SH3RF3: variants seen among roughly 807,000 people sequenced by gnomAD.
The protein encoded by SH3RF3 is E3 ubiquitin-protein ligase SH3RF3.
Under a neutral mutation model 66.3 loss-of-function variants are expected in SH3RF3, and 29 were observed. That is an observed-to-expected ratio of 0.44 (90% CI 0.33 to 0.60). The LOEUF is 0.60. Ranked by LOEUF, SH3RF3 falls within the 20% of genes least tolerant of loss-of-function variation. The probability of loss-of-function intolerance (pLI) is 0.04; values close to 1 mark genes in which losing one functional copy is unlikely to be tolerated. For missense variants in SH3RF3, 1,194 were observed against 1,190.9 expected, an observed-to-expected ratio of 1.00 and a Z score of -0.04; for synonymous variants, 583 against 532.0, an observed-to-expected ratio of 1.10 and a Z score of -1.32.
In SH3RF3 at chr2:109,364,868, ATTAC is replaced by A. The variant is rs201665332; in HGVS notation, c.850-6715_850-6712del. ...CACTTTGGGAGGCCAGTGCAGGCAG[ATTAC>A]TTGAGGTCAGGAGTTCGAGACCAGC... On this transcript the variant is annotated intron_variant, in intron 2 of 9. Transcript: ENST00000309415. Among the ~76,000 whole-genome samples, 1,126 of 152,270 alleles carry A rather than the reference ATTAC, an allele frequency of 7.4e-3. 15 individuals carry two copies. The highest frequency in any genetic ancestry group is 0.026 in the African/African-American group (1,078 of 41,544).
chr2:109,304,418 C>A (rs1681544727), intron 1 of SH3RF3, among the ~76,000 whole-genome samples: 1 of 152,032 alleles, frequency 6.6e-6, no homozygotes, highest in Admixed American at 6.6e-5. Context: ...AATGACAAGA[C>A]TTCCTTCTTT....
intron 7 of SH3RF3, among the ~76,000 whole-genome samples, chr2:109,441,543 G>A (rs919987249): frequency 2.0e-5 from 3 of 152,216 alleles, no homozygotes; most frequent in South Asian, 4.1e-4. Context: ...AATGGAATCC[G>A]TGAGCAATGG....
chr2:109,340,317 A>G lies in SH3RF3; in HGVS notation c.574-7357A>G, dbSNP rs571476208. On this transcript the variant is annotated intron_variant, in intron 1 of 9. Coordinates refer to ENST00000309415, the MANE Select transcript of SH3RF3 (RefSeq NM_001099289.3). The stretch of plus-strand genomic sequence containing the variant: ...TAAGGATCCTGTGGGTCTCGCAGGT[A>G]GAGGTAGGAGCAGCAGGCACACAGG... Among the ~76,000 whole-genome samples, 18 of 152,294 alleles carry G rather than the reference A, an allele frequency of 1.2e-4. No homozygotes were observed. In the East Asian group the frequency reaches 3.3e-3, roughly 28 times the overall value.
intron 1 of SH3RF3, among the ~76,000 whole-genome samples, chr2:109,178,626 C>T (rs1309396360): frequency 6.6e-6 from 1 of 152,204 alleles, no homozygotes; most frequent in African/African-American, 2.4e-5. Flanking sequence ...GACAGCAAGG[C>T]AGGGCAGTTG....
chr2:109,376,547 A>G (rs1683389509), intron 3 of SH3RF3, among the ~76,000 whole-genome samples: 1 of 152,264 alleles, frequency 6.6e-6, no homozygotes, highest in African/African-American at 2.4e-5. Flanking sequence ...GTTCAAAAAA[A>G]TGATGAAAGA....
At chr2:109,478,844 C>A (rs555798726) in intron 8 of SH3RF3, among the ~76,000 whole-genome samples, 1 of 152,178 alleles carries the variant, frequency 6.6e-6, no homozygotes, top group African/African-American at 2.4e-5. Context: ...CATAACAAAT[C>A]ATCTCAAAAC....
intron 1 of SH3RF3, among the ~76,000 whole-genome samples, chr2:109,305,995 CAT>C (rs746067703): frequency 6.6e-6 from 1 of 152,214 alleles, no homozygotes; most frequent in Non-Finnish European, 1.5e-5. Flanking sequence ...TAGATCTGGG[CAT>C]TACAGAGCTA....
chr2:109,459,232 A>G (rs1392068151), intron 8 of SH3RF3, among the ~76,000 whole-genome samples: 1 of 152,204 alleles, frequency 6.6e-6, no homozygotes, highest in African/African-American at 2.4e-5. Context: ...ACTGCTTAAT[A>G]TACACATTCA....
intron 1 of SH3RF3, among the ~76,000 whole-genome samples, chr2:109,176,037 C>T (rs1258927427): frequency 6.6e-6 from 1 of 151,994 alleles, no homozygotes; most frequent in Admixed American, 6.5e-5. Flanking sequence ...CCTTGAGACT[C>T]TGTCTTCACT....
intron 8 of SH3RF3, among the ~76,000 whole-genome samples, chr2:109,485,854 G>A (rs754268429): frequency 2.6e-5 from 4 of 152,200 alleles, no homozygotes; most frequent in Non-Finnish European, 5.9e-5. Context: ...AGCCAGGGCT[G>A]CAGCACAGCC....
chr2:109,360,886 C>A (rs1351884100), intron 2 of SH3RF3, among the ~76,000 whole-genome samples: 1 of 152,132 alleles, frequency 6.6e-6, no homozygotes, highest in African/African-American at 2.4e-5. Flanking sequence ...TACATTCTTG[C>A]CTTGTCCTTG....
chr2:109,398,569 C>G (rs1676214103), intron 3 of SH3RF3, 21 bp from the exon 4 acceptor site: 1 of 1,529,468 alleles, frequency 6.5e-7, no homozygotes, highest in Non-Finnish European at 8.8e-7. Context: ...TGCAGCCTCC[C>G]CTCTCCCCTT....
intron 8 of SH3RF3, among the ~76,000 whole-genome samples, chr2:109,452,229 T>C (rs974205920): frequency 2.0e-5 from 3 of 152,244 alleles, no homozygotes; most frequent in African/African-American, 7.2e-5. Flanking sequence ...ACCAGCAGAC[T>C]GTGCTGGGCT....
At chr2:109,304,365 T>A (rs1407195918) in intron 1 of SH3RF3, among the ~76,000 whole-genome samples, 1 of 152,220 alleles carries the variant, frequency 6.6e-6, no homozygotes, top group African/African-American at 2.4e-5. Context: ...ACTGGCTTAT[T>A]TCGTTTAACA....
At chr2:109,134,139 A>G (rs1676764430) in intron 1 of SH3RF3, among the ~76,000 whole-genome samples, 1 of 152,212 alleles carries the variant, frequency 6.6e-6, no homozygotes, top group Non-Finnish European at 1.5e-5. Flanking sequence ...CCTTATGGAA[A>G]GTTCACAATA....
chr2:109,384,276 C>T (rs1309714190), intron 3 of SH3RF3, among the ~76,000 whole-genome samples: 3 of 152,104 alleles, frequency 2.0e-5, no homozygotes, highest in African/African-American at 4.8e-5. Context: ...GACACAACAG[C>T]GAAGAAAAGC....
intron 5 of SH3RF3, 50 bp from the exon 6 acceptor site, chr2:109,432,451 C>G: frequency 1.2e-6 from 2 of 1,603,992 alleles, no homozygotes; most frequent in Non-Finnish European, 1.7e-6. Flanking sequence ...GGCCGGTCCC[C>G]TATCCCCAGG....
At chr2:109,406,032 C>T in intron 4 of SH3RF3, among the ~76,000 whole-genome samples, 1 of 152,228 alleles carries the variant, frequency 6.6e-6, no homozygotes, top group Middle Eastern at 3.2e-3. Flanking sequence ...GGAGAGGACA[C>T]AGCTGCGGGG....
In SH3RF3 at chr2:109,382,831, G is replaced by A. The variant is rs532288888; in HGVS notation, c.945+11150G>A. Among the ~76,000 whole-genome samples the A allele has an allele frequency of 4.9e-4, 75 of 152,338 alleles. 1 individual carries two copies. The South Asian group carries it at 0.015, about 31-fold the overall frequency. On this transcript the variant is annotated intron_variant, in intron 3 of 9. Transcript: ENST00000309415. ...GTTCTCTGCTTTCAGGATTCCTAGT[G>A]CAGAGACATTTGGCTGTTGGATTAT...
Sources: gnomAD v4.1 joint callset for allele counts (sites outside exome capture counted in the v4.1 genomes callset) on GRCh38, gnomAD v4.1.1 for gene constraint, MANE v1.5 for transcripts, NCBI Gene and HGNC (gene_info 2026-07-23, HGNC 2026-07-21) for gene names.